EPHA7: variants seen among roughly 807,000 people sequenced by gnomAD.
EPHA7 encodes the protein ephrin type-A receptor 7.
In EPHA7, 25 loss-of-function variants were observed where a neutral mutation model predicts 112.6. The observed-to-expected ratio is 0.22, with a 90% confidence interval of 0.16 to 0.31. The LOEUF is 0.31. EPHA7 is among the 10% of genes least tolerant of loss of function. The pLI is 1.00. For synonymous variants in EPHA7, 437 were observed against 406.5 expected, an observed-to-expected ratio of 1.07 and a Z score of -0.90; for missense variants, 962 against 1,212.6, an observed-to-expected ratio of 0.79 and a Z score of 3.07.
chr6:93,259,259 T>C (rs1770579515), intron 10 of EPHA7, 95 bp downstream of exon 10: 1 of 1,493,984 alleles, frequency 6.7e-7, no homozygotes, highest in Non-Finnish European at 9.2e-7. Flanking sequence ...AAAAGTTCTA[T>C]ACTTGAGGGA....
intron 3 of EPHA7, among the ~76,000 whole-genome samples, chr6:93,390,970 A>G (rs1176869438): frequency 6.6e-6 from 1 of 151,944 alleles, no homozygotes; most frequent in Non-Finnish European, 1.5e-5. Flanking sequence ...TAATGCCAAT[A>G]TTTTTGTTGT....
chr6:93,364,958 T>C (rs1191785202), intron 3 of EPHA7, among the ~76,000 whole-genome samples: 2 of 152,212 alleles, frequency 1.3e-5, no homozygotes, highest in Non-Finnish European at 1.5e-5. Context: ...TGATACATTT[T>C]ATAGAAATAT....
At position 93,324,230 on chromosome 6, in the gene EPHA7, A is replaced by C. The variant is rs1774210341; in HGVS notation, c.1324+32487T>G. On this transcript the variant is annotated intron_variant, in intron 5 of 16. Coordinates refer to ENST00000369303, the MANE Select transcript of EPHA7 (RefSeq NM_004440.4). ...ACTTCCTTTACCAACATATGAGTAT[A>C]TTAACTAACATAAAATATGCCTCTA... is the stretch of plus-strand genomic sequence containing the variant. Among the ~76,000 whole-genome samples, 4 of 151,594 alleles carry C rather than the reference A, an allele frequency of 2.6e-5. No individual in the cohort carries two copies. In the South Asian group the frequency reaches 8.3e-4, roughly 31 times the overall value.
At chr6:93,297,634 G>A (rs1385971718) in intron 5 of EPHA7, among the ~76,000 whole-genome samples, 1 of 152,082 alleles carries the variant, frequency 6.6e-6, no homozygotes, top group Non-Finnish European at 1.5e-5. Flanking sequence ...AAGGTTCTTT[G>A]TAAGTGCCAG....
At chr6:93,336,754 A>T (rs1487444707) in intron 5 of EPHA7, among the ~76,000 whole-genome samples, 1 of 152,056 alleles carries the variant, frequency 6.6e-6, no homozygotes, top group East Asian at 1.9e-4. Context: ...TACCAGTTCC[A>T]ATAGCAGCCA....
rs1769675584 is a variant in EPHA7, at chr6:93,241,230, A to G, written c.*2196T>C. On this transcript the variant is annotated 3_prime_UTR_variant, in exon 17 of 17. Coordinates refer to ENST00000369303, the MANE Select transcript of EPHA7 (RefSeq NM_004440.4). ...TTTAATAGAAAAAATAAGCACCTTA[A>G]GCTATGAACAAGAAAAGAACTTCAT... 9.2e-6 allele frequency: 2 copies of G among 218,324 alleles called. No individual in the cohort carries two copies. Among genetic ancestry groups the G allele is most frequent in the Non-Finnish European group, 1.8e-5 (2 of 108,560 alleles). 13.5% of individuals were successfully genotyped at this position (218,324 alleles called of 1,614,324 possible).
At chr6:93,292,864 GC>G (rs1772452335) in intron 5 of EPHA7, among the ~76,000 whole-genome samples, 1 of 152,080 alleles carries the variant, frequency 6.6e-6, no homozygotes, top group Non-Finnish European at 1.5e-5. Context: ...AGATAAATCT[GC>G]GCTCCTGCCA....
intron 15 of EPHA7, among the ~76,000 whole-genome samples, chr6:93,246,259 C>T (rs1769945412): frequency 6.6e-6 from 1 of 151,962 alleles, no homozygotes; most frequent in Non-Finnish European, 1.5e-5. Context: ...ACTGTGTTGG[C>T]CAGGCTGGTC....
chr6:93,334,459 C>G (rs1336779022), intron 5 of EPHA7, among the ~76,000 whole-genome samples: 1 of 151,960 alleles, frequency 6.6e-6, no homozygotes, highest in African/African-American at 2.4e-5. Context: ...AGACAACCTA[C>G]AGAATGGGAG....
intron 5 of EPHA7, among the ~76,000 whole-genome samples, chr6:93,313,102 C>T (rs991499713): frequency 8.6e-5 from 13 of 152,000 alleles, no homozygotes; most frequent in African/African-American, 2.9e-4. Flanking sequence ...AGAGACACAA[C>T]GTAAGCACAT....
intron 6 of EPHA7, 137 bp downstream of exon 6, chr6:93,272,161 T>A (rs1019087007): frequency 3.4e-6 from 3 of 879,806 alleles, no homozygotes; most frequent in Non-Finnish European, 5.3e-6. Flanking sequence ...AGATGGTTAT[T>A]ATAAATGGCT....
intron 3 of EPHA7, among the ~76,000 whole-genome samples, chr6:93,375,631 T>TA (rs34778411): frequency 0.012 from 1,616 of 131,700 alleles, 51 homozygotes; most frequent in Admixed American, 0.073. Context: ...AAGCCTGAAT[T>TA]AAAAAAAAAA....
chr6:93,269,716 C>T, intron 6 of EPHA7, 56 bp from the exon 7 acceptor site: 2 of 1,344,264 alleles, frequency 1.5e-6, no homozygotes, highest in South Asian at 1.6e-5. Flanking sequence ...GACAATTTGA[C>T]AGCCAACTGT....
intron 3 of EPHA7, among the ~76,000 whole-genome samples, chr6:93,375,990 A>C (rs1167635583): frequency 6.6e-6 from 1 of 152,178 alleles, no homozygotes; most frequent in African/African-American, 2.4e-5. Flanking sequence ...GATTTATGCC[A>C]TGTGGACATG....
intron 5 of EPHA7, among the ~76,000 whole-genome samples, chr6:93,290,517 G>A (rs1772305755): frequency 6.6e-6 from 1 of 152,040 alleles, no homozygotes; most frequent in Non-Finnish European, 1.5e-5. Context: ...CTAATTCAGA[G>A]AGACTGGAAT....
intron 4 of EPHA7, 21 bp downstream of exon 4, chr6:93,358,235 T>C (rs1348847251): frequency 1.9e-6 from 3 of 1,575,892 alleles, no homozygotes; most frequent in Admixed American, 1.8e-5. Context: ...GAAAGTCCTT[T>C]ACTTTCATAA....
At chr6:93,386,100 C>G (rs1238948785) in intron 3 of EPHA7, among the ~76,000 whole-genome samples, 5 of 152,114 alleles carry the variant, frequency 3.3e-5, no homozygotes, top group Non-Finnish European at 4.4e-5. Context: ...CCACCCTGGG[C>G]ACCTCCCAAA....
At chr6:93,392,013 T>A (rs78496719) in intron 3 of EPHA7, among the ~76,000 whole-genome samples, 1,686 of 152,100 alleles carry the variant, frequency 0.011, 27 homozygotes, top group African/African-American at 0.039. Context: ...CTAAATTTTT[T>A]AAATCATATG....
chr6:93,271,208 G>T (rs550729568), intron 6 of EPHA7, among the ~76,000 whole-genome samples: 16 of 151,676 alleles, frequency 1.1e-4, no homozygotes, highest in Non-Finnish European at 2.2e-4. Flanking sequence ...AATTCATAAT[G>T]TAAGTAACAA....
Sources: allele counts gnomAD v4.1 joint callset (sites outside exome capture counted in the v4.1 genomes callset), GRCh38; gene constraint gnomAD v4.1.1; transcripts MANE v1.5; gene names NCBI Gene and HGNC (gene_info 2026-07-23, HGNC 2026-07-21).